CAMTA1: variants seen among roughly 807,000 people sequenced by gnomAD.
CAMTA1 encodes the protein calmodulin-binding transcription activator 1.
CAMTA1 carries 27 observed loss-of-function variants against 170.9 expected under a neutral mutation model. The ratio of observed to expected loss-of-function variants is 0.16; its 90% CI spans 0.12 to 0.22. The LOEUF (loss-of-function observed/expected upper bound fraction) is 0.22. Ranked by LOEUF, CAMTA1 falls within the 10% of genes least tolerant of loss-of-function variation. CAMTA1 has a pLI of 1.00. For synonymous variants in CAMTA1, 833 were observed against 891.5 expected (o/e 0.93, Z 1.17); for missense variants, 1,619 against 2,217.2 (o/e 0.73, Z 5.42).
intron 11 of CAMTA1, among the ~76,000 whole-genome samples, chr1:7,705,763 C>G (rs1389215580): frequency 6.6e-6 from 1 of 152,162 alleles, no homozygotes; most frequent in African/African-American, 2.4e-5. Flanking sequence ...TAACTACAGA[C>G]CAGGGGAGCG....
At chr1:7,631,157 G>C (rs2095666617) in intron 6 of CAMTA1, among the ~76,000 whole-genome samples, 1 of 152,128 alleles carries the variant, frequency 6.6e-6, no homozygotes, top group Admixed American at 6.5e-5. Flanking sequence ...CCTGCCCTGA[G>C]GAGCTTACAG....
At chr1:7,187,975 A>G (rs1437591907) in intron 4 of CAMTA1, among the ~76,000 whole-genome samples, 1 of 152,190 alleles carries the variant, frequency 6.6e-6, no homozygotes, top group African/African-American at 2.4e-5. Flanking sequence ...TAATTAACTC[A>G]CAGTTCTGCA....
In CAMTA1 at chr1:7,455,892, A is replaced by G. The variant is rs1178356634; in HGVS notation, c.439-11938A>G. Among the ~76,000 whole-genome samples the G allele has an allele frequency of 6.6e-6, 1 of 152,196 alleles. No individual in the cohort carries two copies. Among genetic ancestry groups the G allele is most frequent in the East Asian group, 1.9e-4 (1 of 5,188 alleles). On this transcript the variant is annotated intron_variant, in intron 5 of 22. Coordinates refer to ENST00000303635, the MANE Select transcript of CAMTA1 (RefSeq NM_015215.4). The surrounding 1 kb of genome is among the most constrained non-coding windows in gnomAD (Gnocchi z 5.0). The stretch of plus-strand genomic sequence containing the variant: ...TCTCCTCTGGGAATGGCAGATGAGT[A>G]GAGAGAAAGGCCGGCCACCTGGGGC...
At chr1:7,390,738 C>T (rs2088602209) in intron 5 of CAMTA1, among the ~76,000 whole-genome samples, 1 of 152,276 alleles carries the variant, frequency 6.6e-6, no homozygotes, top group Non-Finnish European at 1.5e-5. Context: ...CTCTCCCCCA[C>T]ATGCATTCCT....
At chr1:7,244,271 G>A (rs967089233) in intron 4 of CAMTA1, among the ~76,000 whole-genome samples, 4 of 152,172 alleles carry the variant, frequency 2.6e-5, no homozygotes, top group African/African-American at 9.7e-5. Flanking sequence ...GGAGAAATAG[G>A]AACACTTTTA....
intron 6 of CAMTA1, 106 bp from the exon 7 acceptor site, chr1:7,640,294 G>C: frequency 8.0e-7 from 1 of 1,247,316 alleles, no homozygotes; most frequent in Non-Finnish European, 1.1e-6. Flanking sequence ...AGAGAGCCGG[G>C]TGTCTGGGGC....
At chr1:7,445,002 T>C (rs1002365104) in intron 5 of CAMTA1, among the ~76,000 whole-genome samples, 2 of 145,158 alleles carry the variant, frequency 1.4e-5, no homozygotes, top group African/African-American at 5.1e-5. Flanking sequence ...TGGAATCAAA[T>C]GTGCTGTAAT....
chr1:6,806,695 GTT>G (rs1162798986), intron 1 of CAMTA1, among the ~76,000 whole-genome samples: 1 of 152,050 alleles, frequency 6.6e-6, no homozygotes, highest in Non-Finnish European at 1.5e-5. Context: ...TGATGTGAAA[GTT>G]TGCTGATACC....
intron 4 of CAMTA1, among the ~76,000 whole-genome samples, chr1:7,245,956 A>G (rs1665704515): frequency 6.6e-6 from 1 of 152,174 alleles, no homozygotes; most frequent in Non-Finnish European, 1.5e-5. Flanking sequence ...GGAGTTTCAC[A>G]TAGGGCACTC....
At chr1:6,898,548 A>C (rs1017281374) in intron 3 of CAMTA1, among the ~76,000 whole-genome samples, 1 of 152,182 alleles carries the variant, frequency 6.6e-6, no homozygotes, top group East Asian at 1.9e-4. Flanking sequence ...GCAAGAGCCC[A>C]TCTCCAAAAA....
At chr1:7,390,286 G>A (rs575242337) in intron 5 of CAMTA1, among the ~76,000 whole-genome samples, 1 of 152,162 alleles carries the variant, frequency 6.6e-6, no homozygotes, top group Non-Finnish European at 1.5e-5. Flanking sequence ...CAGGGTGCCT[G>A]CCTTCTCTAA....
chr1:7,130,975 G>C (rs1645215520), intron 4 of CAMTA1, among the ~76,000 whole-genome samples: 1 of 147,846 alleles, frequency 6.8e-6, no homozygotes, highest in African/African-American at 2.5e-5. Flanking sequence ...TTTTTTTTGA[G>C]ACGGATTCTT....
intron 5 of CAMTA1, among the ~76,000 whole-genome samples, chr1:7,445,695 C>T (rs1465852002): frequency 6.6e-6 from 1 of 152,242 alleles, no homozygotes; most frequent in Non-Finnish European, 1.5e-5. Flanking sequence ...TCACATCCAC[C>T]CTCATGGTAG....
chr1:6,984,925 G>A (rs932772994), intron 3 of CAMTA1, among the ~76,000 whole-genome samples: 7 of 152,188 alleles, frequency 4.6e-5, no homozygotes, highest in Non-Finnish European at 7.3e-5. Context: ...TCACACATTC[G>A]GACTGTGGGA....
chr1:7,633,393 A>G lies in CAMTA1; in HGVS notation c.511-7007A>G, dbSNP rs148552499. Among the ~76,000 whole-genome samples, 1 of 152,160 alleles carries G rather than the reference A, an allele frequency of 6.6e-6. No individual in the cohort carries two copies. The highest frequency in any genetic ancestry group is 1.5e-5 in the Non-Finnish European group (1 of 67,980). ...GAGGAAGAGCTGCAGAGGGGCAGAG[A>G]GCTCGTGGACCCCCCCAGATGCCAC... is the stretch of plus-strand genomic sequence containing the variant. On this transcript the variant is annotated intron_variant, in intron 6 of 22. Coordinates refer to ENST00000303635, the MANE Select transcript of CAMTA1 (RefSeq NM_015215.4). The surrounding 1 kb of genome is among the most constrained non-coding windows in gnomAD (Gnocchi z 4.1).
rs772091296 is a variant in CAMTA1 at position 7,585,326 on chromosome 1, C to A, written c.511-55074C>A. ...CCAAGAAGAGGCCTCTGCGGAGGGG[C>A]ACCTGGCAGAGCCCTGAGAGCGGTG... is the stretch of plus-strand genomic sequence containing the variant. On this transcript the variant is annotated intron_variant, in intron 6 of 22. Transcript: ENST00000303635. This position sits in a 1 kb window ranked among gnomAD's most constrained non-coding sequence, Gnocchi z 4.8. 3.9e-5 allele frequency among the ~76,000 whole-genome samples: 6 copies of A among 152,162 alleles called. No individual in the cohort carries two copies. The highest frequency in any genetic ancestry group is 7.2e-5 in the African/African-American group (3 of 41,424).
chr1:7,555,390 C>T (rs1214182014), intron 6 of CAMTA1, among the ~76,000 whole-genome samples: 1 of 152,102 alleles, frequency 6.6e-6, no homozygotes, highest in African/African-American at 2.4e-5. Flanking sequence ...CATTCATGCT[C>T]CCTCCATGGG....
chr1:7,247,395 T>C (rs1227432188), intron 4 of CAMTA1, among the ~76,000 whole-genome samples: 2 of 152,184 alleles, frequency 1.3e-5, no homozygotes, highest in South Asian at 2.1e-4. Flanking sequence ...ACGGTTTGCC[T>C]GAGTACCCTG....
At chr1:7,054,901 G>C (rs1323380696) in intron 3 of CAMTA1, among the ~76,000 whole-genome samples, 1 of 152,208 alleles carries the variant, frequency 6.6e-6, no homozygotes, top group Admixed American at 6.5e-5. Context: ...CATCTGCTCA[G>C]CTTCTGGGGA....
Sources: allele counts gnomAD v4.1 joint callset (sites outside exome capture counted in the v4.1 genomes callset), GRCh38; gene constraint gnomAD v4.1.1; non-coding constraint Gnocchi (gnomAD v3.1); transcripts MANE v1.5; gene names NCBI Gene and HGNC (gene_info 2026-07-23, HGNC 2026-07-21).